The following MYOT variants were observed in gnomAD, a reference collection of about 807,000 sequenced individuals.
MYOT encodes the protein myotilin.
A neutral mutation model predicts 58.0 loss-of-function variants in MYOT; 36 were observed. The ratio of observed to expected loss-of-function variants is 0.62; its 90% CI spans 0.48 to 0.82. MYOT has a LOEUF of 0.82. Among genes scored for constraint, MYOT ranks in the 40% least tolerant of loss-of-function variants. MYOT has a pLI of 0.00. For synonymous variants in MYOT, 218 were observed against 204.6 expected, an observed-to-expected ratio of 1.07 and a Z score of -0.56; for missense variants, 505 against 592.1, an observed-to-expected ratio of 0.85 and a Z score of 1.53.
At chr5:137,883,236 A>T in intron 6 of MYOT, 148 bp from the exon 7 acceptor site, 1 of 672,786 alleles carries the variant, frequency 1.5e-6, no homozygotes, top group East Asian at 2.7e-5. Context: ...TTTGTTTAAA[A>T]AATTATAAAT....
intron 4 of MYOT, among the ~76,000 whole-genome samples, chr5:137,879,684 C>T (rs1227349980): frequency 3.5e-5 from 5 of 144,800 alleles, no homozygotes; most frequent in Non-Finnish European, 6.0e-5. Flanking sequence ...GCCACCACAC[C>T]CGGCTTTTTT....
intron 5 of MYOT, among the ~76,000 whole-genome samples, 173 bp downstream of exon 5, chr5:137,881,038 T>C (rs1755413202): frequency 6.6e-6 from 1 of 152,232 alleles, no homozygotes; most frequent in East Asian, 1.9e-4. Flanking sequence ...TCATCAAAAC[T>C]ATCACAGGGG....
intron 2 of MYOT, among the ~76,000 whole-genome samples, chr5:137,873,554 A>C (rs572708625): frequency 4.6e-5 from 7 of 152,184 alleles, no homozygotes; most frequent in Non-Finnish European, 1.0e-4. Context: ...CTCAAAAAAA[A>C]AAAAGTGGTC....
In MYOT at chr5:137,877,427, T is replaced by G. The variant is rs1015577980; in HGVS notation, c.532-93T>G. On this transcript the variant is annotated intron_variant, in intron 3 of 9. Transcript: ENST00000239926. Reference sequence around the variant, plus strand: ...CATTCAATAGATAGAACTATGCTTCTTTGAAGTTCTGACCTATAGTAGTGG... The same window carrying G: ...CATTCAATAGATAGAACTATGCTTCGTTGAAGTTCTGACCTATAGTAGTGG... 18 of 790,612 alleles carry G rather than the reference T, an allele frequency of 2.3e-5. No homozygotes were observed. The African/African-American group carries it at 2.9e-4, about 13-fold the overall frequency. The allele number at this position is 790,612 out of a possible 1,614,324, so 49.0% of individuals were successfully genotyped here.
At chr5:137,878,465 T>C (rs767357137) in intron 4 of MYOT, among the ~76,000 whole-genome samples, 1 of 151,912 alleles carries the variant, frequency 6.6e-6, no homozygotes, top group African/African-American at 2.4e-5. Flanking sequence ...GCTAGGATTA[T>C]AGGCATGAGC....
In MYOT at chr5:137,867,870, T is replaced by C. The variant is rs146323147; in HGVS notation, c.-295T>C. On this transcript the variant is annotated 5_prime_UTR_variant, in exon 1 of 10. Coordinates refer to ENST00000239926, the MANE Select transcript of MYOT (RefSeq NM_006790.3). The stretch of plus-strand genomic sequence containing the variant: ...GCTATAATACTAAGCACAGAGCCAC[T>C]AGATTAGTCTGTGAGGGAAGGAGAT... 1 of 152,312 alleles carries C rather than the reference T, an allele frequency of 6.6e-6. No individual in the cohort carries two copies. The highest frequency in any genetic ancestry group is 1.9e-4 in the East Asian group (1 of 5,192). 9.4% of individuals were successfully genotyped at this position (152,312 alleles called of 1,614,324 possible).
intron 7 of MYOT, among the ~76,000 whole-genome samples, chr5:137,884,232 A>G (rs1329428592): frequency 6.6e-6 from 1 of 152,114 alleles, no homozygotes; most frequent in African/African-American, 2.4e-5. Flanking sequence ...GTGCACACCT[A>G]TAGTCCCAGC....
At chr5:137,879,432 TG>T (rs1755341911) in intron 4 of MYOT, among the ~76,000 whole-genome samples, 2 of 151,876 alleles carry the variant, frequency 1.3e-5, no homozygotes, top group Admixed American at 1.3e-4. Flanking sequence ...GCACTTGGTA[TG>T]GAAGATTATA....
intron 2 of MYOT, among the ~76,000 whole-genome samples, chr5:137,873,711 T>C (rs997812460): frequency 1.3e-5 from 2 of 152,128 alleles, no homozygotes; most frequent in Non-Finnish European, 2.9e-5. Context: ...AATCAGACTT[T>C]AAAAATTTAT....
intron 8 of MYOT, chr5:137,886,630 CAG>C: frequency 1.0e-5 from 6 of 572,580 alleles, no homozygotes; most frequent in Non-Finnish European, 1.9e-5. Context: ...AATACAAACA[CAG>C]ACACACCCGA....
chr5:137,871,063 G>T, intron 2 of MYOT, 56 bp downstream of exon 2: 2 of 1,445,190 alleles, frequency 1.4e-6, no homozygotes, highest in South Asian at 2.4e-5. Context: ...AGGAGTTTGC[G>T]AGGGGGTAGG....
intron 7 of MYOT, 149 bp from the exon 8 acceptor site, chr5:137,885,899 G>T: frequency 2.1e-6 from 1 of 481,700 alleles, no homozygotes; most frequent in Non-Finnish European, 3.8e-6. Context: ...TAACAAAATA[G>T]TACTGCATGT....
intron 2 of MYOT, 22 bp downstream of exon 2, chr5:137,871,029 G>C (rs576784457): frequency 3.1e-6 from 5 of 1,590,574 alleles, no homozygotes; most frequent in Non-Finnish European, 4.3e-6. Flanking sequence ...TTTATATACC[G>C]CATGTACAGT....
rs140135928 is a variant in MYOT, at chr5:137,876,001, C to G, written c.529C>G (p.Gln177Glu). The G allele has an allele frequency of 2.8e-5, 45 of 1,613,894 alleles. No individual in the cohort carries two copies. The highest frequency in any genetic ancestry group is 3.8e-5 in the Non-Finnish European group (45 of 1,179,910). ...CKDTLLHNGN[Q>E]RLTYEEKMAR... ...GGACACCCTTCTTCATAATGGAAAT[C>G]AAGTGGGCAAGATGTCTATTTTGTA... The change falls in exon 3 of 10, where the codon CAA (glutamine) becomes GAA (glutamate). Residue 177 changes from glutamine (Q) to glutamate (E), a missense_variant and splice_region_variant. Coordinates refer to ENST00000239926, the MANE Select transcript of MYOT (RefSeq NM_006790.3).
intron 7 of MYOT, 22 bp downstream of exon 7, chr5:137,883,613 T>C (rs772369158): frequency 1.9e-6 from 3 of 1,600,614 alleles, no homozygotes; most frequent in Non-Finnish European, 2.6e-6. Context: ...AAGAGACCCT[T>C]GAGAATTCCT....
At chr5:137,887,023 T>G (rs1325779528) in intron 9 of MYOT, 26 bp downstream of exon 9, 2 of 1,602,776 alleles carry the variant, frequency 1.2e-6, no homozygotes, top group African/African-American at 1.3e-5. Flanking sequence ...AACCAAAGTA[T>G]TATAAGGGAT....
chr5:137,881,932 GATA>G, intron 5 of MYOT, 38 bp from the exon 6 acceptor site: 1 of 1,603,232 alleles, frequency 6.2e-7, no homozygotes, highest in Non-Finnish European at 8.5e-7. Flanking sequence ...GAAAAGCAAT[GATA>G]ATATTTACGC....
In MYOT at chr5:137,870,489, G is replaced by A; in HGVS notation, c.-163G>A. 7 of 707,348 alleles carry A rather than the reference G, an allele frequency of 9.9e-6. No individual in the cohort carries two copies. 43.8% of individuals were successfully genotyped at this position (707,348 alleles called of 1,614,324 possible). On this transcript the variant is annotated 5_prime_UTR_variant, in exon 2 of 10. Coordinates refer to ENST00000239926, the MANE Select transcript of MYOT (RefSeq NM_006790.3). ...TCACTCTACCAAAGCCAGGAGCACA[G>A]TATTCTCAGGATCTCAACAAGGAAG...
chr5:137,886,932 G>A lies in MYOT; in HGVS notation c.1259G>A (p.Trp420Ter). ...GATGTAAACAAGAAAGATGCTGGGT[G>A]GTATACTGTGTCAGCAGTTAATGAA... ...IKDVNKKDAG[W>*]YTVSAVNEAG... The change falls in exon 9 of 10, where the codon TGG (tryptophan) becomes TAG (stop). Residue 420 changes from tryptophan to a stop codon, truncating the protein, a stop_gained. Coordinates refer to ENST00000239926, the MANE Select transcript of MYOT (RefSeq NM_006790.3). LOFTEE classifies it high-confidence loss of function. 1 of 1,605,638 alleles carries A rather than the reference G, an allele frequency of 6.2e-7. No individual in the cohort carries two copies.
Sources: gnomAD v4.1 joint callset for allele counts (sites outside exome capture counted in the v4.1 genomes callset) on GRCh38, gnomAD v4.1.1 for gene constraint, MANE v1.5 for transcripts, NCBI Gene and HGNC (gene_info 2026-07-23, HGNC 2026-07-21) for gene names.